PRKCI: variants seen among roughly 807,000 people sequenced by gnomAD.
The protein encoded by PRKCI is protein kinase C iota.
A neutral mutation model predicts 84.0 loss-of-function variants in PRKCI; 43 were observed. The ratio of observed to expected loss-of-function variants is 0.51; its 90% CI spans 0.40 to 0.66. The LOEUF (loss-of-function observed/expected upper bound fraction) is 0.66, where lower values mean the gene tolerates loss of function less well. Among genes scored for constraint, PRKCI ranks in the 30% least tolerant of loss-of-function variants. The probability of loss-of-function intolerance (pLI) is 0.00; values close to 1 mark genes in which losing one functional copy is unlikely to be tolerated. For synonymous variants in PRKCI, 216 were observed against 234.4 expected (o/e 0.92, Z 0.72); for missense variants, 459 against 745.6 (o/e 0.62, Z 4.48).
chr3:170,275,309 T>C (rs1191981227), intron 8 of PRKCI, 22 bp downstream of exon 8: 3 of 1,584,260 alleles, frequency 1.9e-6, no homozygotes, highest in South Asian at 1.2e-5. Flanking sequence ...TGTCTTATTG[T>C]ACATTATATC....
At chr3:170,240,808 G>A (rs1256007304) in intron 2 of PRKCI, among the ~76,000 whole-genome samples, 9 of 152,192 alleles carry the variant, frequency 5.9e-5, no homozygotes, top group African/African-American at 4.8e-5. Flanking sequence ...TACTTCATCT[G>A]TTTAAAGAGA....
chr3:170,282,283 G>A (rs1395385728), intron 11 of PRKCI, among the ~76,000 whole-genome samples: 4 of 152,116 alleles, frequency 2.6e-5, no homozygotes, highest in Admixed American at 2.6e-4. Flanking sequence ...TGTCTATGTA[G>A]CATCAGCCAT....
intron 3 of PRKCI, among the ~76,000 whole-genome samples, chr3:170,262,967 G>A (rs903615295): frequency 4.2e-4 from 63 of 151,430 alleles, no homozygotes; most frequent in Non-Finnish European, 6.8e-4. Flanking sequence ...TCAGGAGATC[G>A]AGACCATCCT....
chr3:170,224,061 C>A (rs1283805167), intron 1 of PRKCI, among the ~76,000 whole-genome samples: 15 of 105,628 alleles, frequency 1.4e-4, no homozygotes, highest in Admixed American at 1.3e-3. Context: ...TGGTATCCCT[C>A]CCCCCTCCCC....
intron 5 of PRKCI, among the ~76,000 whole-genome samples, chr3:170,269,220 C>A (rs539638663): frequency 3.2e-4 from 48 of 152,228 alleles, no homozygotes; most frequent in African/African-American, 1.1e-3. Flanking sequence ...TGGCCAGAAA[C>A]GAATTTTTTA....
chr3:170,279,213 G>T (rs1734188147), intron 8 of PRKCI, among the ~76,000 whole-genome samples: 1 of 152,046 alleles, frequency 6.6e-6, no homozygotes, highest in Admixed American at 6.6e-5. Flanking sequence ...TATTTTGGTA[G>T]AGATGAGGTT....
intron 13 of PRKCI, 91 bp from the exon 14 acceptor site, chr3:170,293,292 T>C: frequency 1.5e-6 from 2 of 1,306,112 alleles, no homozygotes; most frequent in Admixed American, 2.4e-5. Flanking sequence ...TTTTTCATTG[T>C]TTCTTTTTCC....
chr3:170,273,265 T>C, intron 6 of PRKCI, 21 bp from the exon 7 acceptor site: 1 of 1,606,356 alleles, frequency 6.2e-7, no homozygotes, highest in Non-Finnish European at 8.5e-7. Context: ...TGAGTTACTG[T>C]GTCTTTGGAA....
chr3:170,230,576 C>T (rs561416132), intron 1 of PRKCI, among the ~76,000 whole-genome samples: 17 of 152,312 alleles, frequency 1.1e-4, no homozygotes, highest in African/African-American at 2.9e-4. Context: ...GTGATTCACC[C>T]GCTGTGGCCT....
chr3:170,222,639 G>GC lies in PRKCI; in HGVS notation c.-29dup, dbSNP rs1732517885. The GC allele has an allele frequency of 6.5e-7, 1 of 1,528,212 alleles. No homozygotes were observed. Among genetic ancestry groups the GC allele is most frequent in the Non-Finnish European group, 8.8e-7 (1 of 1,135,674 alleles). The allele number at this position is 1,528,212 out of a possible 1,614,324, so 94.7% of individuals were successfully genotyped here. ...CCCGAAGCGCCCCCCCGCACCCCCG[G>GC]CCTCCAGCGTTGAGGCGGGGGAGTG... On this transcript the variant is annotated 5_prime_UTR_variant, in exon 1 of 18. Transcript: ENST00000295797.
intron 2 of PRKCI, among the ~76,000 whole-genome samples, chr3:170,245,437 C>T (rs1630138): frequency 0.78 from 118,318 of 152,004 alleles, 46,259 homozygotes; most frequent in South Asian, 0.88. Flanking sequence ...CATCTGGTGT[C>T]GGAAGCATTG....
intron 1 of PRKCI, among the ~76,000 whole-genome samples, chr3:170,223,544 A>G (rs1732551677): frequency 6.6e-6 from 1 of 152,152 alleles, no homozygotes; most frequent in South Asian, 2.1e-4. Context: ...ACCCAGTTCT[A>G]AGTTCATTGT....
At chr3:170,258,372 C>G (rs1733640365) in intron 2 of PRKCI, among the ~76,000 whole-genome samples, 1 of 151,734 alleles carries the variant, frequency 6.6e-6, no homozygotes, top group South Asian at 2.1e-4. Context: ...GTAGCACAAT[C>G]TTGACTCACT....
At position 170,235,806 on chromosome 3, in the gene PRKCI, C is replaced by A. The variant is rs137938009; in HGVS notation, c.223+455C>A. 3.4e-4 allele frequency among the ~76,000 whole-genome samples: 51 copies of A among 152,210 alleles called. 1 individual carries two copies. In the East Asian group the frequency reaches 9.9e-3, roughly 29 times the overall value. Reference sequence around the variant, plus strand: ...GGTCTCAAACTCCTGACCTTATGATCTGCCCACCTCGGCCTCCCAAAGTGC... The same window carrying A: ...GGTCTCAAACTCCTGACCTTATGATATGCCCACCTCGGCCTCCCAAAGTGC... On this transcript the variant is annotated intron_variant, in intron 2 of 17. Coordinates refer to ENST00000295797, the MANE Select transcript of PRKCI (RefSeq NM_002740.6).
At chr3:170,231,213 G>A (rs1345931409) in intron 1 of PRKCI, among the ~76,000 whole-genome samples, 9 of 151,742 alleles carry the variant, frequency 5.9e-5, no homozygotes, top group South Asian at 2.1e-4. Flanking sequence ...CATCTGCCTC[G>A]GCCTCCCGGA....
chr3:170,223,433 C>T (rs759429306), intron 1 of PRKCI, among the ~76,000 whole-genome samples: 43 of 152,266 alleles, frequency 2.8e-4, no homozygotes, highest in Middle Eastern at 6.8e-3. Context: ...GTTGTTTCAA[C>T]GACTACCCGA....
chr3:170,233,823 C>T (rs1466303861), intron 1 of PRKCI, among the ~76,000 whole-genome samples: 3 of 151,880 alleles, frequency 2.0e-5, no homozygotes, highest in Non-Finnish European at 4.4e-5. Flanking sequence ...TGGGTTCAAG[C>T]GGTTATCCTG....
intron 2 of PRKCI, among the ~76,000 whole-genome samples, chr3:170,257,406 A>G (rs1384488782): frequency 2.0e-5 from 3 of 152,214 alleles, no homozygotes; most frequent in African/African-American, 7.2e-5. Flanking sequence ...ACCTGGCAGC[A>G]GCATTTTGAG....
In PRKCI at chr3:170,304,399, A is replaced by G. The variant is rs1174120245; in HGVS notation, c.*1272A>G. 1 of 152,210 alleles carries G rather than the reference A, an allele frequency of 6.6e-6. No homozygotes were observed. The highest frequency in any genetic ancestry group is 2.4e-5 in the African/African-American group (1 of 41,448). The allele number at this position is 152,210 out of a possible 1,614,324, so 9.4% of individuals were successfully genotyped here. On this transcript the variant is annotated 3_prime_UTR_variant, in exon 18 of 18. Coordinates refer to ENST00000295797, the MANE Select transcript of PRKCI (RefSeq NM_002740.6). ...TGTATTCAGTGGAGGCAGAATGTAT[A>G]ATATTTTTTCCTTATAATTTAGCAT...
Sources: gnomAD v4.1 joint callset for allele counts (sites outside exome capture counted in the v4.1 genomes callset) on GRCh38, gnomAD v4.1.1 for gene constraint, MANE v1.5 for transcripts, NCBI Gene and HGNC (gene_info 2026-07-23, HGNC 2026-07-21) for gene names.